The following RHOT1 variants were observed in gnomAD, a reference collection of about 807,000 sequenced individuals.
The protein encoded by RHOT1 is ras homolog family member T1, also known as mitochondrial Rho GTPase 1.
RHOT1 carries 27 observed loss-of-function variants against 95.3 expected under a neutral mutation model. The observed-to-expected ratio is 0.28, with a 90% CI of 0.21 to 0.39. The LOEUF is 0.39. Among genes scored for constraint, RHOT1 ranks in the 10% least tolerant of loss-of-function variants. RHOT1 has a pLI of 1.00. For synonymous variants in RHOT1, 227 were observed against 263.5 expected, an observed-to-expected ratio of 0.86 and a Z score of 1.34; for missense variants, 578 against 786.7, an observed-to-expected ratio of 0.73 and a Z score of 3.17.
chr17:32,167,149 G>T (rs997803031), intron 1 of RHOT1, among the ~76,000 whole-genome samples: 5 of 152,070 alleles, frequency 3.3e-5, no homozygotes, highest in South Asian at 2.1e-4. Flanking sequence ...CTGAGCTCTT[G>T]GGTGACCAGG....
chr17:32,162,894 A>C (rs1198376317), intron 1 of RHOT1, among the ~76,000 whole-genome samples: 1 of 152,176 alleles, frequency 6.6e-6, no homozygotes, highest in Non-Finnish European at 1.5e-5. Flanking sequence ...ATAATTATTA[A>C]TAACATTTGG....
chr17:32,205,048 TTTTAAA>T (rs1452598838), intron 16 of RHOT1, among the ~76,000 whole-genome samples: 1 of 151,174 alleles, frequency 6.6e-6, no homozygotes, highest in African/African-American at 2.5e-5. Flanking sequence ...ATTTTTTTTT[TTTTAAA>T]TTTTACTTTA....
intron 3 of RHOT1, 121 bp from the exon 4 acceptor site, chr17:32,175,198 G>A: frequency 1.2e-6 from 1 of 802,964 alleles, no homozygotes; most frequent in Non-Finnish European, 2.1e-6. Context: ...GCTTTCCCTT[G>A]TGTTTGCTAC....
intron 8 of RHOT1, among the ~76,000 whole-genome samples, chr17:32,190,670 T>C (rs2036423210): frequency 6.6e-6 from 1 of 152,202 alleles, no homozygotes; most frequent in Admixed American, 6.6e-5. Context: ...TTTATTAATC[T>C]TTAATGACTA....
chr17:32,149,605 A>ATGTG (rs1567648973), intron 1 of RHOT1, among the ~76,000 whole-genome samples: 2 of 74,234 alleles, frequency 2.7e-5, no homozygotes, highest in African/African-American at 2.0e-4. Flanking sequence ...ATATATATAT[A>ATGTG]TATATATATA....
At chr17:32,212,534 C>T (rs946249206) in intron 19 of RHOT1, among the ~76,000 whole-genome samples, 6 of 152,198 alleles carry the variant, frequency 3.9e-5, no homozygotes, top group African/African-American at 1.4e-4. Flanking sequence ...TGTTGGGAAT[C>T]GTTGAGTTGG....
At chr17:32,153,912 G>A (rs2032622244) in intron 1 of RHOT1, among the ~76,000 whole-genome samples, 1 of 152,138 alleles carries the variant, frequency 6.6e-6, no homozygotes. Context: ...TACAGGGCTT[G>A]GTGGACTTGA....
Position 32,206,390 on chromosome 17 carries a change from A to C in RHOT1, c.1417-520A>C, listed in dbSNP as rs570975300. 1.1e-4 allele frequency among the ~76,000 whole-genome samples: 15 copies of C among 136,768 alleles called. No individual in the cohort carries two copies. The East Asian group carries it at 3.2e-3, about 29-fold the overall frequency. The allele number at this position is 136,768 out of a possible 152,430, so 89.7% of individuals were successfully genotyped here. On this transcript the variant is annotated intron_variant, in intron 16 of 19. Coordinates refer to ENST00000545287, the MANE Select transcript of RHOT1 (RefSeq NM_001033566.3). The stretch of plus-strand genomic sequence containing the variant: ...CTGGCTAAGCTTCCACAGAATCTTA[A>C]TCACCATTTTTAGTCTGCAGAATCA...
chr17:32,216,576 T>TA (rs1320074622), intron 19 of RHOT1, among the ~76,000 whole-genome samples: 1 of 152,164 alleles, frequency 6.6e-6, no homozygotes, highest in African/African-American at 2.4e-5. Context: ...ACCCTATTTA[T>TA]AATGTATTTT....
At chr17:32,216,914 G>A (rs780848690) in intron 19 of RHOT1, among the ~76,000 whole-genome samples, 2 of 152,086 alleles carry the variant, frequency 1.3e-5, no homozygotes, top group African/African-American at 2.4e-5. Context: ...TTATTCCCTT[G>A]TATGAAGGTC....
chr17:32,164,187 T>C (rs545198721), intron 1 of RHOT1, among the ~76,000 whole-genome samples: 21 of 152,314 alleles, frequency 1.4e-4, no homozygotes, highest in African/African-American at 4.8e-4. Flanking sequence ...AAAGAATGCA[T>C]TTAACCTGTC....
rs756885607 is a variant in RHOT1 at position 32,224,345 on chromosome 17, C to A, written c.1863-271C>A. 1.2e-3 allele frequency among the ~76,000 whole-genome samples: 175 copies of A among 151,998 alleles called. 2 individuals are homozygous for A. The highest frequency in any genetic ancestry group is 3.1e-4 in the Non-Finnish European group (21 of 68,004). ...ATTGATTTGTCTAACTTCTTTATTTCCTGTGTGAAAAAAAGTTTACAAATT... is the reference window on the plus strand; with the variant it reads ...ATTGATTTGTCTAACTTCTTTATTTACTGTGTGAAAAAAAGTTTACAAATT... On this transcript the variant is annotated intron_variant, in intron 19 of 19. Coordinates refer to ENST00000545287, the MANE Select transcript of RHOT1 (RefSeq NM_001033566.3).
Position 32,224,350 on chromosome 17 carries a change from G to T in RHOT1, c.1863-266G>T, listed in dbSNP as rs766088370. Among the ~76,000 whole-genome samples the T allele has an allele frequency of 1.9e-3, 286 of 152,016 alleles. 2 individuals carry two copies. Among genetic ancestry groups the T allele is most frequent in the Non-Finnish European group, 2.1e-3 (146 of 68,004 alleles). ...TTTGTCTAACTTCTTTATTTCCTGT[G>T]TGAAAAAAAGTTTACAAATTTAGAT... On this transcript the variant is annotated intron_variant, in intron 19 of 19. Transcript: ENST00000545287.
At chr17:32,204,326 G>A (rs1040591597) in intron 16 of RHOT1, among the ~76,000 whole-genome samples, 7 of 152,138 alleles carry the variant, frequency 4.6e-5, no homozygotes, top group South Asian at 4.2e-4. Flanking sequence ...CAAGGCGGGC[G>A]GATCACCTGA....
At position 32,182,774 on chromosome 17, in the gene RHOT1, T is replaced by C. The variant is rs754249177; in HGVS notation, c.347T>C (p.Val116Ala). 2 of 1,599,120 alleles carry C rather than the reference T, an allele frequency of 1.3e-6. No homozygotes were observed. The highest frequency in any genetic ancestry group is 2.7e-5 in the African/African-American group (2 of 74,560). The change falls in exon 7 of 20, where the codon GTT (valine) becomes GCT (alanine). Residue 116 changes from valine to alanine, a missense_variant. Coordinates refer to ENST00000545287, the MANE Select transcript of RHOT1 (RefSeq NM_001033566.3). ...TATTTTAGGCTGCCTTTAATATTGG[T>C]TGGGAACAAATCTGATCTGGTGGAA... Reference protein sequence around the residue: ...DKDSRLPLILVGNKSDLVEYS... With the variant: ...DKDSRLPLILAGNKSDLVEYS...
intron 8 of RHOT1, among the ~76,000 whole-genome samples, chr17:32,191,129 C>T (rs995557973): frequency 6.6e-6 from 1 of 151,978 alleles, no homozygotes; most frequent in Admixed American, 6.6e-5. Context: ...TTCTTTTTCT[C>T]GTTTCTTTCT....
intron 1 of RHOT1, among the ~76,000 whole-genome samples, chr17:32,154,703 G>A (rs539421747): frequency 6.6e-6 from 1 of 151,718 alleles, no homozygotes; most frequent in East Asian, 1.9e-4. Context: ...GGCCAGCCTG[G>A]CCAACATGGT....
intron 9 of RHOT1, 31 bp downstream of exon 9, chr17:32,192,330 ATCTT>A (rs2142759636): frequency 1.3e-5 from 10 of 776,028 alleles, no homozygotes; most frequent in East Asian, 6.2e-5. Flanking sequence ...ACATTTGCGT[ATCTT>A]TTTTTTTTTT....
chr17:32,173,943 T>A, intron 3 of RHOT1, 31 bp downstream of exon 3: 1 of 1,417,828 alleles, frequency 7.1e-7, no homozygotes, highest in Non-Finnish European at 9.9e-7. Context: ...GATGAAGGTG[T>A]AGGTTAATTT....
Sources: gnomAD v4.1 joint callset for allele counts (sites outside exome capture counted in the v4.1 genomes callset) on GRCh38, gnomAD v4.1.1 for gene constraint, MANE v1.5 for transcripts, NCBI Gene and HGNC (gene_info 2026-07-23, HGNC 2026-07-21) for gene names.